NXPH2: variants seen among roughly 807,000 people sequenced by gnomAD.
The protein encoded by NXPH2 is neurexophilin 2, also known as neurexophilin-2.
In NXPH2, 5 loss-of-function variants were observed where a neutral mutation model predicts 19.8. The ratio of observed to expected loss-of-function variants is 0.25; its 90% CI spans 0.13 to 0.53. The LOEUF (loss-of-function observed/expected upper bound fraction) is 0.53. NXPH2 is among the 20% of genes least tolerant of loss of function. NXPH2 has a pLI of 0.96. For missense variants in NXPH2, 289 were observed against 322.8 expected, an observed-to-expected ratio of 0.90 and a Z score of 0.80; for synonymous variants, 154 against 127.4, an observed-to-expected ratio of 1.21 and a Z score of -1.41.
chr2:138,704,141 A>G (rs1680973336), intron 1 of NXPH2, among the ~76,000 whole-genome samples: 2 of 152,214 alleles, frequency 1.3e-5, no homozygotes, highest in Admixed American at 1.3e-4. Flanking sequence ...ATATTTGATA[A>G]AGGTCTAGCC....
intron 1 of NXPH2, among the ~76,000 whole-genome samples, chr2:138,714,352 A>G (rs1261087495): frequency 6.6e-6 from 1 of 152,212 alleles, no homozygotes. Context: ...ATATTTATTA[A>G]GCTCCTGTCC....
At chr2:138,719,870 T>A (rs1681249711) in intron 1 of NXPH2, among the ~76,000 whole-genome samples, 1 of 152,250 alleles carries the variant, frequency 6.6e-6, no homozygotes, top group Non-Finnish European at 1.5e-5. Flanking sequence ...TATATACGTT[T>A]CTTGGTTTGA....
At chr2:138,746,831 T>C (rs2105009487) in intron 1 of NXPH2, among the ~76,000 whole-genome samples, 1 of 152,292 alleles carries the variant, frequency 6.6e-6, no homozygotes, top group South Asian at 2.1e-4. Context: ...CATACTGCCT[T>C]TCATTTTCTT....
intron 1 of NXPH2, among the ~76,000 whole-genome samples, chr2:138,677,149 C>A (rs879909637): frequency 6.6e-6 from 1 of 152,236 alleles, no homozygotes; most frequent in African/African-American, 2.4e-5. Context: ...ATGTTATTTA[C>A]AAAACACGTA....
Position 138,720,461 on chromosome 2 carries a change from C to T in NXPH2, c.52-48796G>A, listed in dbSNP as rs1206544784. On this transcript the variant is annotated intron_variant, in intron 1 of 1. Coordinates refer to ENST00000272641, the MANE Select transcript of NXPH2 (RefSeq NM_007226.3). Reference sequence around the variant, plus strand: ...CTGAAGGGGTGGTGAGAGGCAAGGCCACGTAGTCAAGAGTGAGGGCTGACT... The same window carrying T: ...CTGAAGGGGTGGTGAGAGGCAAGGCTACGTAGTCAAGAGTGAGGGCTGACT... Among the ~76,000 whole-genome samples, 4 of 152,164 alleles carry T rather than the reference C, an allele frequency of 2.6e-5. No homozygotes were observed. The East Asian group carries it at 7.7e-4, about 29-fold the overall frequency.
At chr2:138,683,550 AT>A (rs988340476) in intron 1 of NXPH2, among the ~76,000 whole-genome samples, 2 of 152,134 alleles carry the variant, frequency 1.3e-5, no homozygotes, top group African/African-American at 4.8e-5. Flanking sequence ...TATGCTTTGT[AT>A]TTTACTATCA....
At chr2:138,744,682 C>T (rs919013387) in intron 1 of NXPH2, among the ~76,000 whole-genome samples, 1 of 152,136 alleles carries the variant, frequency 6.6e-6, no homozygotes, top group Admixed American at 6.5e-5. Context: ...TACGGACCTG[C>T]TTGAACATGC....
chr2:138,727,870 T>C (rs1392901265), intron 1 of NXPH2, among the ~76,000 whole-genome samples: 2 of 152,180 alleles, frequency 1.3e-5, no homozygotes, highest in Non-Finnish European at 2.9e-5. Context: ...TGCCAATCTT[T>C]CAGAAGACAA....
Position 138,747,126 on chromosome 2 carries a change from C to T in NXPH2, c.51+33065G>A, listed in dbSNP as rs576187141. ...CTATTGATGGACGTTTAGGTCATTC[C>T]TAATTATTTGCTACCATACGTAGTG... On this transcript the variant is annotated intron_variant, in intron 1 of 1. Transcript: ENST00000272641. Among the ~76,000 whole-genome samples, 109 of 152,232 alleles carry T rather than the reference C, an allele frequency of 7.2e-4. 2 individuals carry two copies. In the South Asian group the frequency reaches 0.022, roughly 31 times the overall value.
chr2:138,764,188 AT>A (rs1354722345), intron 1 of NXPH2, among the ~76,000 whole-genome samples: 1 of 152,002 alleles, frequency 6.6e-6, no homozygotes, highest in African/African-American at 2.4e-5. Flanking sequence ...GACCTAAGGC[AT>A]TCCCCTTCCT....
At chr2:138,726,909 T>C (rs1253052157) in intron 1 of NXPH2, among the ~76,000 whole-genome samples, 4 of 152,150 alleles carry the variant, frequency 2.6e-5, no homozygotes, top group Non-Finnish European at 5.9e-5. Context: ...TACAGAATAG[T>C]TTGACTGCCT....
chr2:138,728,049 T>A (rs1681385186), intron 1 of NXPH2, among the ~76,000 whole-genome samples: 4 of 152,186 alleles, frequency 2.6e-5, no homozygotes, highest in Admixed American at 1.3e-4. Context: ...TCCAAATTCA[T>A]ATATTGAAGC....
chr2:138,736,007 T>A (rs1165616873), intron 1 of NXPH2, among the ~76,000 whole-genome samples: 17 of 152,236 alleles, frequency 1.1e-4, no homozygotes, highest in Admixed American at 1.1e-3. Flanking sequence ...TCCCATTGTC[T>A]TGGGCAGTTC....
At chr2:138,683,796 T>C (rs1356140467) in intron 1 of NXPH2, among the ~76,000 whole-genome samples, 3 of 152,220 alleles carry the variant, frequency 2.0e-5, no homozygotes, top group Non-Finnish European at 4.4e-5. Flanking sequence ...TTGGTTACAT[T>C]CTTTCACCAA....
intron 1 of NXPH2, among the ~76,000 whole-genome samples, chr2:138,733,984 C>T (rs1354818560): frequency 6.6e-6 from 1 of 152,194 alleles, no homozygotes; most frequent in African/African-American, 2.4e-5. Flanking sequence ...GTGGCTCACA[C>T]CTGTAATCCC....
At chr2:138,731,342 A>G (rs1171263168) in intron 1 of NXPH2, among the ~76,000 whole-genome samples, 1 of 152,100 alleles carries the variant, frequency 6.6e-6, no homozygotes, top group Non-Finnish European at 1.5e-5. Context: ...GGTCAAATTT[A>G]AGCAATACGC....
intron 1 of NXPH2, among the ~76,000 whole-genome samples, chr2:138,728,155 GCTCTCTCT>G (rs58409379): frequency 6.7e-5 from 10 of 148,650 alleles, no homozygotes; most frequent in Non-Finnish European, 9.0e-5. Context: ...ACCAGAGTGC[GCTCTCTCT>G]CTCTCTCTCT....
intron 1 of NXPH2, among the ~76,000 whole-genome samples, chr2:138,687,085 G>A (rs1282397809): frequency 6.6e-6 from 1 of 152,144 alleles, no homozygotes; most frequent in Admixed American, 6.5e-5. Context: ...GGATGGCTGG[G>A]TCAAATGGTA....
chr2:138,711,832 C>T (rs752317710), intron 1 of NXPH2, among the ~76,000 whole-genome samples: 3 of 152,140 alleles, frequency 2.0e-5, no homozygotes, highest in Non-Finnish European at 4.4e-5. Context: ...TGAACTTCTA[C>T]GTTTTGTTTA....
Sources: gnomAD v4.1 joint callset for allele counts (sites outside exome capture counted in the v4.1 genomes callset) on GRCh38, gnomAD v4.1.1 for gene constraint, MANE v1.5 for transcripts, NCBI Gene and HGNC (gene_info 2026-07-23, HGNC 2026-07-21) for gene names.